ZNF618: variants seen among roughly 807,000 people sequenced by gnomAD.
ZNF618 encodes zinc finger protein 618, also known as neural precursor cell expressed, developmentally down-regulated 10.
Under a neutral mutation model 103.0 loss-of-function variants are expected in ZNF618, and 34 were observed. The ratio of observed to expected loss-of-function variants is 0.33; its 90% CI spans 0.25 to 0.44. The LOEUF is 0.44. ZNF618 is among the 20% of genes least tolerant of loss of function. The pLI is 1.00. For synonymous variants in ZNF618, 551 were observed against 542.2 expected (o/e 1.02, Z -0.23); for missense variants, 1,059 against 1,295.4 (o/e 0.82, Z 2.80).
chr9:114,045,336 A>G lies in ZNF618; in HGVS notation c.1247-2557A>G, dbSNP rs544222593. ...TATGTTTCCTTATAAAACTCTAAGA[A>G]TTTTATACTTTTAGCTCTTACGTTT... On this transcript the variant is annotated intron_variant, in intron 13 of 14. Transcript: ENST00000374126. Among the ~76,000 whole-genome samples the G allele has an allele frequency of 9.3e-4, 142 of 152,130 alleles. 1 individual carries two copies. The highest frequency in any genetic ancestry group is 2.5e-3 in the South Asian group (12 of 4,826).
At chr9:113,919,724 C>A (rs1011658416) in intron 1 of ZNF618, among the ~76,000 whole-genome samples, 6 of 152,316 alleles carry the variant, frequency 3.9e-5, no homozygotes, top group African/African-American at 1.4e-4. Flanking sequence ...CTCCTGTGTT[C>A]TTGCTGATTC....
In ZNF618 at chr9:114,036,176, C is replaced by T. The variant is rs1265496470; in HGVS notation, c.1169-124C>T. The T allele has an allele frequency of 3.1e-5, 26 of 828,640 alleles. 1 individual carries two copies. Among genetic ancestry groups the T allele is most frequent in the Admixed American group, 6.8e-5 (3 of 44,066 alleles). 51.3% of individuals were successfully genotyped at this position (828,640 alleles called of 1,614,324 possible). The stretch of plus-strand genomic sequence containing the variant: ...ACGGGGGAGGCAGGCAGGCTGGGCC[C>T]GGAGCCCTGAGCACAGAGACCCGGT... On this transcript the variant is annotated intron_variant, in intron 12 of 14. Transcript: ENST00000374126.
At chr9:113,941,077 C>T (rs1332471007) in intron 1 of ZNF618, among the ~76,000 whole-genome samples, 1 of 151,968 alleles carries the variant, frequency 6.6e-6, no homozygotes, top group African/African-American at 2.4e-5. Context: ...CTTGTCCCTT[C>T]CCCAATTCCT....
In ZNF618 at chr9:113,998,391, C is replaced by T. The variant is rs553618291; in HGVS notation, c.433+37C>T. ...CCAAGGGGTAGTGCCTGATCCGGGG[C>T]CAGTATGGGTGGGGGCACAGCTGGA... On this transcript the variant is annotated intron_variant, in intron 4 of 14. Coordinates refer to ENST00000374126, the MANE Select transcript of ZNF618 (RefSeq NM_001318042.2). 1.3e-3 allele frequency: 1,946 copies of T among 1,524,574 alleles called. 8 individuals carry two copies. In the Middle Eastern group the frequency reaches 0.028, roughly 22 times the overall value. The allele number at this position is 1,524,574 out of a possible 1,614,324, so 94.4% of individuals were successfully genotyped here.
At chr9:113,922,137 CTGTG>C in intron 1 of ZNF618, among the ~76,000 whole-genome samples, 1 of 152,348 alleles carries the variant, frequency 6.6e-6, no homozygotes, top group East Asian at 1.9e-4. Context: ...AACTCCTACT[CTGTG>C]TGTGATCCTG....
At chr9:113,920,653 T>C (rs751808275) in intron 1 of ZNF618, among the ~76,000 whole-genome samples, 1 of 152,130 alleles carries the variant, frequency 6.6e-6, no homozygotes, top group Non-Finnish European at 1.5e-5. Flanking sequence ...CTGCCTGCCT[T>C]GGCCTCCCAA....
chr9:113,923,731 T>C (rs1832844521), intron 1 of ZNF618, among the ~76,000 whole-genome samples: 1 of 152,132 alleles, frequency 6.6e-6, no homozygotes, highest in African/African-American at 2.4e-5. Flanking sequence ...GAGACATTGG[T>C]CTGTAGTTTT....
intron 2 of ZNF618, among the ~76,000 whole-genome samples, chr9:113,973,076 C>CA (rs986346620): frequency 2.4e-4 from 36 of 150,724 alleles, no homozygotes; most frequent in South Asian, 4.2e-4. Flanking sequence ...GACTCTGTCT[C>CA]AAAAAAAAAG....
At chr9:114,035,724 C>T (rs557876370) in intron 12 of ZNF618, among the ~76,000 whole-genome samples, 3 of 151,966 alleles carry the variant, frequency 2.0e-5, no homozygotes, top group Non-Finnish European at 2.9e-5. Flanking sequence ...CCTGTTCCTA[C>T]GCGTGCCCTC....
intron 1 of ZNF618, among the ~76,000 whole-genome samples, chr9:113,878,668 T>C (rs759276235): frequency 6.6e-6 from 1 of 152,162 alleles, no homozygotes; most frequent in Non-Finnish European, 1.5e-5. Context: ...AAACAGCATA[T>C]TGTTAGGACT....
chr9:113,964,238 C>T (rs901937934), intron 1 of ZNF618, among the ~76,000 whole-genome samples: 2 of 152,114 alleles, frequency 1.3e-5, no homozygotes, highest in African/African-American at 2.4e-5. Flanking sequence ...GCCTCAGGCT[C>T]GGTTCTCTTA....
At chr9:114,021,533 A>G (rs190184460) in intron 10 of ZNF618, among the ~76,000 whole-genome samples, 42 of 152,236 alleles carry the variant, frequency 2.8e-4, no homozygotes, top group Admixed American at 2.5e-3. Flanking sequence ...TGAAGGTCAT[A>G]ATTAAGAAAA....
chr9:114,047,795 C>T, intron 13 of ZNF618, 98 bp from the exon 14 acceptor site: 1 of 1,016,206 alleles, frequency 9.8e-7, no homozygotes, highest in Non-Finnish European at 1.5e-6. Context: ...TCCCAATGGC[C>T]ACATTCTGCT....
chr9:114,004,571 C>T (rs1157279391), intron 6 of ZNF618, among the ~76,000 whole-genome samples: 6 of 152,306 alleles, frequency 3.9e-5, no homozygotes, highest in East Asian at 1.9e-4. Flanking sequence ...GGCTCTGTAG[C>T]GGGGGTATTT....
intron 1 of ZNF618, among the ~76,000 whole-genome samples, chr9:113,946,076 T>C (rs529139206): frequency 1.1e-4 from 16 of 152,252 alleles, no homozygotes; most frequent in African/African-American, 3.9e-4. Context: ...CCTTTTCTTC[T>C]AGAATAATGC....
rs557964925 is a variant in ZNF618, at chr9:113,943,842, G to GGGCT, written c.34-25274_34-25271dup. On this transcript the variant is annotated intron_variant, in intron 1 of 14. Coordinates refer to ENST00000374126, the MANE Select transcript of ZNF618 (RefSeq NM_001318042.2). ...CTGTGCCGGTGGTCAGGATAGTGGA[G>GGGCT]GGCTTGGACTTCAGTGTTGAAACAG... 1.7e-4 allele frequency among the ~76,000 whole-genome samples: 26 copies of GGGCT among 152,242 alleles called. 1 individual carries two copies. The East Asian group carries it at 1.7e-3, about 10-fold the overall frequency.
At position 113,994,637 on chromosome 9, in the gene ZNF618, T is replaced by C. The variant is rs572885858; in HGVS notation, c.338-3622T>C. ...AAGTCTGCCCCTCTTTCCAGTAGAA[T>C]TGTTGGGGGCAGAGTGACGTAATAG... is the stretch of plus-strand genomic sequence containing the variant. On this transcript the variant is annotated intron_variant, in intron 3 of 14. Transcript: ENST00000374126. Among the ~76,000 whole-genome samples the C allele has an allele frequency of 2.6e-5, 4 of 152,250 alleles. No individual in the cohort carries two copies. In the East Asian group the frequency reaches 7.7e-4, roughly 29 times the overall value.
chr9:114,047,929 G>A lies in ZNF618; in HGVS notation c.1283G>A (p.Arg428Gln), dbSNP rs371791585. The change falls in exon 14 of 15, where the codon CGA becomes CAA. Residue 428 changes from arginine to glutamine, a missense_variant. Transcript: ENST00000374126. Reference protein sequence around the residue: ...NENNIASNQSRSPPAVVEEKW... With the variant: ...NENNIASNQSQSPPAVVEEKW... ...AACAACATTGCCTCCAACCAGTCCC[G>A]ATCGCCACCTGCTGTTGTAGAAGAG... The A allele has an allele frequency of 8.1e-6, 13 of 1,603,200 alleles. No homozygotes were observed. The African/African-American group carries it at 1.1e-4, about 13-fold the overall frequency.
chr9:114,008,302 G>T, intron 7 of ZNF618, 42 bp from the exon 8 acceptor site: 1 of 1,611,862 alleles, frequency 6.2e-7, no homozygotes, highest in Non-Finnish European at 8.5e-7. Context: ...GCTCCTGTTT[G>T]TTTCTTTCCT....
Sources: gnomAD v4.1 joint callset for allele counts (sites outside exome capture counted in the v4.1 genomes callset) on GRCh38, gnomAD v4.1.1 for gene constraint, MANE v1.5 for transcripts, NCBI Gene and HGNC (gene_info 2026-07-23, HGNC 2026-07-21) for gene names.